HCN1: variants seen among roughly 807,000 people sequenced by gnomAD.
HCN1 encodes the protein hyperpolarization activated cyclic nucleotide gated potassium channel 1, also known as potassium/sodium hyperpolarization-activated cyclic nucleotide-gated channel 1.
Under a neutral mutation model 78.9 loss-of-function variants are expected in HCN1, and 13 were observed. That is an observed-to-expected ratio of 0.16 (90% CI 0.11 to 0.26). The LOEUF (loss-of-function observed/expected upper bound fraction) is 0.26. HCN1 is among the 10% of genes least tolerant of loss of function. The probability of loss-of-function intolerance (pLI) is 1.00; values close to 1 mark genes in which losing one functional copy is unlikely to be tolerated. For missense variants in HCN1, 810 were observed against 1,154.3 expected, an observed-to-expected ratio of 0.70 and a Z score of 4.32; for synonymous variants, 552 against 455.5, an observed-to-expected ratio of 1.21 and a Z score of -2.70.
chr5:45,287,770 C>G (rs186813311), intron 6 of HCN1, among the ~76,000 whole-genome samples: 8 of 152,116 alleles, frequency 5.3e-5, no homozygotes, highest in African/African-American at 1.7e-4. Context: ...AACACATAGT[C>G]AGGAGAAATA....
chr5:45,671,347 A>G (rs1746145927), intron 1 of HCN1, among the ~76,000 whole-genome samples: 1 of 151,368 alleles, frequency 6.6e-6, no homozygotes, highest in Admixed American at 6.6e-5. Flanking sequence ...TTACCAGCAA[A>G]TCATGTTCAG....
chr5:45,413,988 C>T (rs1230475790), intron 3 of HCN1, among the ~76,000 whole-genome samples: 2 of 151,784 alleles, frequency 1.3e-5, no homozygotes, highest in African/African-American at 4.8e-5. Flanking sequence ...CAAATTGTTG[C>T]CAAAGTGTAA....
At chr5:45,337,894 C>A (rs1346566682) in intron 5 of HCN1, among the ~76,000 whole-genome samples, 1 of 151,606 alleles carries the variant, frequency 6.6e-6, no homozygotes, top group African/African-American at 2.4e-5. Context: ...CTCTAACACA[C>A]AAAAAAAGAT....
At position 45,393,847 on chromosome 5, in the gene HCN1, G is replaced by T. The variant is rs543313335; in HGVS notation, c.1230+2645C>A. 4.6e-5 allele frequency among the ~76,000 whole-genome samples: 7 copies of T among 152,294 alleles called. No homozygotes were observed. In the East Asian group the frequency reaches 1.4e-3, roughly 29 times the overall value. On this transcript the variant is annotated intron_variant, in intron 4 of 7. Transcript: ENST00000303230. The stretch of plus-strand genomic sequence containing the variant: ...TGAGAGTTATCAGAATATTGCTTAT[G>T]TAAGAGGCTGTCTTCTATGCAAGTA...
intron 1 of HCN1, among the ~76,000 whole-genome samples, chr5:45,687,176 A>ATTTG (rs1580050742): frequency 6.6e-6 from 1 of 151,984 alleles, no homozygotes; most frequent in African/African-American, 2.4e-5. Context: ...AGTCTTAGTC[A>ATTTG]TTTGTTTGTT....
At chr5:45,304,316 GT>G (rs2111905988) in intron 5 of HCN1, among the ~76,000 whole-genome samples, 1 of 149,894 alleles carries the variant, frequency 6.7e-6, no homozygotes, top group Non-Finnish European at 1.5e-5. Context: ...TTTTGTTAGT[GT>G]CATTCACATT....
intron 1 of HCN1, among the ~76,000 whole-genome samples, chr5:45,653,634 A>G (rs1212825723): frequency 6.6e-6 from 1 of 151,944 alleles, no homozygotes; most frequent in Non-Finnish European, 1.5e-5. Flanking sequence ...CAAATTCCAA[A>G]TTAGTATCTG....
At chr5:45,686,337 CCAT>C (rs1739809107) in intron 1 of HCN1, among the ~76,000 whole-genome samples, 1 of 151,974 alleles carries the variant, frequency 6.6e-6, no homozygotes, top group Non-Finnish European at 1.5e-5. Context: ...AATTCAACCA[CCAT>C]AATTGTTTCT....
intron 3 of HCN1, among the ~76,000 whole-genome samples, chr5:45,434,066 C>A (rs1169967061): frequency 6.6e-6 from 1 of 152,128 alleles, no homozygotes; most frequent in East Asian, 1.9e-4. Flanking sequence ...CCTCACTCCC[C>A]CAAAGGTGTA....
At chr5:45,290,586 T>C (rs1745352516) in intron 6 of HCN1, among the ~76,000 whole-genome samples, 1 of 152,118 alleles carries the variant, frequency 6.6e-6, no homozygotes, top group Admixed American at 6.6e-5. Context: ...AGACACCATT[T>C]ATTAGAAGAA....
intron 4 of HCN1, among the ~76,000 whole-genome samples, chr5:45,375,304 T>C (rs1410851987): frequency 9.0e-6 from 1 of 111,624 alleles, no homozygotes; most frequent in Non-Finnish European, 1.7e-5. Flanking sequence ...TTTCATGATA[T>C]ACAATATATA....
chr5:45,486,938 A>G (rs1327201272), intron 2 of HCN1, among the ~76,000 whole-genome samples: 1 of 152,098 alleles, frequency 6.6e-6, no homozygotes, highest in Non-Finnish European at 1.5e-5. Context: ...GATGTTCACA[A>G]TTATCACAGT....
intron 4 of HCN1, among the ~76,000 whole-genome samples, chr5:45,391,486 T>C (rs999434196): frequency 2.6e-5 from 4 of 152,132 alleles, no homozygotes; most frequent in African/African-American, 9.7e-5. Context: ...TATTCATAAA[T>C]GATTATGGGC....
At chr5:45,691,521 C>T (rs991966280) in intron 1 of HCN1, among the ~76,000 whole-genome samples, 1 of 151,880 alleles carries the variant, frequency 6.6e-6, no homozygotes, top group African/African-American at 2.4e-5. Context: ...TTGCTAGAGC[C>T]ACTAAGAAAA....
At chr5:45,410,428 T>C (rs1054393920) in intron 3 of HCN1, among the ~76,000 whole-genome samples, 2 of 152,230 alleles carry the variant, frequency 1.3e-5, no homozygotes, top group African/African-American at 4.8e-5. Flanking sequence ...TTATGAGATC[T>C]GTAGCTAATC....
At chr5:45,564,490 C>T (rs886919378) in intron 2 of HCN1, among the ~76,000 whole-genome samples, 5 of 152,044 alleles carry the variant, frequency 3.3e-5, no homozygotes, top group Non-Finnish European at 7.4e-5. Flanking sequence ...CCCGCCTCGG[C>T]CTCCCAAAGT....
chr5:45,314,687 C>A lies in HCN1; in HGVS notation c.1378-10848G>T, dbSNP rs886746025. On this transcript the variant is annotated intron_variant, in intron 5 of 7. Coordinates refer to ENST00000303230, the MANE Select transcript of HCN1 (RefSeq NM_021072.4). ...AGGAGACCCATCTCACATGCAGAGA[C>A]ACACAGGCTCAAAATAAAGGGATAG... 1.2e-4 allele frequency among the ~76,000 whole-genome samples: 18 copies of A among 152,150 alleles called. No individual in the cohort carries two copies. In the East Asian group the frequency reaches 3.5e-3, roughly 29 times the overall value.
At chr5:45,397,663 T>C (rs1368549461) in intron 3 of HCN1, among the ~76,000 whole-genome samples, 1 of 151,620 alleles carries the variant, frequency 6.6e-6, no homozygotes, top group Non-Finnish European at 1.5e-5. Flanking sequence ...AATATAAAGA[T>C]TTTTCCTTTA....
intron 5 of HCN1, 60 bp from the exon 6 acceptor site, chr5:45,303,899 A>T (rs1745675828): frequency 1.4e-6 from 2 of 1,456,600 alleles, no homozygotes; most frequent in Admixed American, 1.7e-5. Flanking sequence ...TGGAAGAAAA[A>T]CATGCTGAAA....
Sources: gnomAD v4.1 joint callset for allele counts (sites outside exome capture counted in the v4.1 genomes callset) on GRCh38, gnomAD v4.1.1 for gene constraint, MANE v1.5 for transcripts, NCBI Gene and HGNC (gene_info 2026-07-23, HGNC 2026-07-21) for gene names.